FBXW7: variants seen among roughly 807,000 people sequenced by gnomAD.
The protein encoded by FBXW7 is F-box and WD repeat domain containing 7, also known as F-box/WD repeat-containing protein 7.
In FBXW7, 11 loss-of-function variants were observed where a neutral mutation model predicts 86.3. That is an observed-to-expected ratio of 0.13 (90% confidence interval 0.08 to 0.21). FBXW7 has a LOEUF of 0.21. Among genes scored for constraint, FBXW7 ranks in the 10% least tolerant of loss-of-function variants. The probability of loss-of-function intolerance (pLI) is 1.00; values close to 1 mark genes in which losing one functional copy is unlikely to be tolerated. For synonymous variants in FBXW7, 313 were observed against 297.9 expected (o/e 1.05, Z -0.52); for missense variants, 488 against 847.4 (o/e 0.58, Z 5.27).
intron 2 of FBXW7, 84 bp downstream of exon 2, chr4:152,534,857 G>A (rs1750358772): frequency 6.6e-6 from 1 of 152,240 alleles, no homozygotes; most frequent in Non-Finnish European, 1.5e-5. Context: ...CAACACTACT[G>A]GAGAACATCA....
intron 7 of FBXW7, among the ~76,000 whole-genome samples, chr4:152,333,364 T>C (rs1338131357): frequency 1.3e-5 from 2 of 152,150 alleles, no homozygotes; most frequent in Non-Finnish European, 1.5e-5. Flanking sequence ...AAGAGTTGTA[T>C]ATTTGAGCTA....
At chr4:152,380,709 G>A (rs1054978022) in intron 4 of FBXW7, among the ~76,000 whole-genome samples, 1 of 151,884 alleles carries the variant, frequency 6.6e-6, no homozygotes, top group Non-Finnish European at 1.5e-5. Context: ...GTAACATAAT[G>A]AGGCAATCTC....
chr4:152,349,252 G>A (rs1731567521), intron 5 of FBXW7, among the ~76,000 whole-genome samples: 2 of 151,370 alleles, frequency 1.3e-5, no homozygotes, highest in South Asian at 4.1e-4. Flanking sequence ...GGTTTCTACT[G>A]TTAACTTTCA....
At position 152,377,406 on chromosome 4, in the gene FBXW7, A is replaced by C. The variant is rs1489918032; in HGVS notation, c.502-27282T>G. ...CTCTTTTAAAATGATAGAAATCATC[A>C]ATACCATTATTATACATTTAGAAGA... On this transcript the variant is annotated intron_variant, in intron 4 of 13. Transcript: ENST00000281708. Among the ~76,000 whole-genome samples, 3 of 152,160 alleles carry C rather than the reference A, an allele frequency of 2.0e-5. No homozygotes were observed. The East Asian group carries it at 5.8e-4, about 29-fold the overall frequency.
At chr4:152,377,754 C>CAAA (rs546746093) in intron 4 of FBXW7, among the ~76,000 whole-genome samples, 1 of 68,578 alleles carries the variant, frequency 1.5e-5, no homozygotes, top group Non-Finnish European at 3.0e-5. Context: ...GAGTCTGTCT[C>CAAA]AAAAAAAAAA....
At chr4:152,457,158 C>T (rs1742486231) in intron 2 of FBXW7, among the ~76,000 whole-genome samples, 1 of 152,146 alleles carries the variant, frequency 6.6e-6, no homozygotes. Flanking sequence ...ATTCTACCTA[C>T]ATAACATTCA....
At chr4:152,428,920 G>A (rs190002792) in intron 2 of FBXW7, among the ~76,000 whole-genome samples, 8 of 152,106 alleles carry the variant, frequency 5.3e-5, no homozygotes, top group African/African-American at 1.9e-4. Context: ...CACTTTGGCC[G>A]GGCTCATGCC....
At chr4:152,466,576 A>G (rs1306725354) in intron 2 of FBXW7, among the ~76,000 whole-genome samples, 1 of 151,880 alleles carries the variant, frequency 6.6e-6, no homozygotes, top group East Asian at 1.9e-4. Context: ...AAAATTAAAG[A>G]CATTTACTTA....
chr4:152,389,276 C>A (rs1735796227), intron 4 of FBXW7, among the ~76,000 whole-genome samples: 1 of 152,040 alleles, frequency 6.6e-6, no homozygotes, highest in Non-Finnish European at 1.5e-5. Flanking sequence ...AGCAATCCCA[C>A]TACTGGGCAT....
At chr4:152,426,991 G>A (rs571926593) in intron 2 of FBXW7, among the ~76,000 whole-genome samples, 42 of 152,312 alleles carry the variant, frequency 2.8e-4, no homozygotes, top group Non-Finnish European at 5.9e-4. Context: ...TTAATAGATG[G>A]ACAATTTCAC....
At chr4:152,343,515 A>G (rs1436211818) in intron 6 of FBXW7, among the ~76,000 whole-genome samples, 1 of 152,204 alleles carries the variant, frequency 6.6e-6, no homozygotes, top group Non-Finnish European at 1.5e-5. Flanking sequence ...GAATGGTTAT[A>G]TATTAATGAA....
At chr4:152,444,638 T>C (rs932403353) in intron 2 of FBXW7, among the ~76,000 whole-genome samples, 2 of 152,192 alleles carry the variant, frequency 1.3e-5, no homozygotes, top group African/African-American at 2.4e-5. Context: ...CTGCAAGGCA[T>C]AGAAACAAGG....
chr4:152,516,735 A>T (rs868585155), intron 2 of FBXW7, among the ~76,000 whole-genome samples: 9 of 152,328 alleles, frequency 5.9e-5, no homozygotes, highest in Middle Eastern at 3.4e-3. Flanking sequence ...TTAATTTTTA[A>T]TTTTTTAAAG....
chr4:152,445,938 A>AAAAAC (rs1741349306), intron 2 of FBXW7, among the ~76,000 whole-genome samples: 1 of 135,902 alleles, frequency 7.4e-6, no homozygotes, highest in Non-Finnish European at 1.6e-5. Context: ...AAAAAAAAAA[A>AAAAAC]AAAACCAAAG....
chr4:152,440,918 T>G (rs1740834139), intron 2 of FBXW7, among the ~76,000 whole-genome samples: 1 of 151,998 alleles, frequency 6.6e-6, no homozygotes, highest in South Asian at 2.1e-4. Context: ...CTTTCTTCAT[T>G]GCTTAAGTTT....
At chr4:152,362,792 A>G (rs1246970586) in intron 4 of FBXW7, among the ~76,000 whole-genome samples, 1 of 145,212 alleles carries the variant, frequency 6.9e-6, no homozygotes, top group Admixed American at 7.3e-5. Flanking sequence ...GCACCACTGT[A>G]CTGCAGCCTG....
chr4:152,407,098 T>A (rs1040716166), intron 4 of FBXW7, among the ~76,000 whole-genome samples: 1 of 152,160 alleles, frequency 6.6e-6, no homozygotes, highest in East Asian at 1.9e-4. Context: ...GATAAAGTAA[T>A]AGGTTCACTG....
At chr4:152,519,728 G>A (rs1294595821) in intron 2 of FBXW7, among the ~76,000 whole-genome samples, 1 of 152,162 alleles carries the variant, frequency 6.6e-6, no homozygotes, top group Admixed American at 6.6e-5. Flanking sequence ...CTGTTAATCT[G>A]CCTTCCAATA....
At chr4:152,534,765 G>A (rs957524756) in intron 2 of FBXW7, among the ~76,000 whole-genome samples, 176 bp downstream of exon 2, 1 of 152,146 alleles carries the variant, frequency 6.6e-6, no homozygotes, top group African/African-American at 2.4e-5. Context: ...CGTACAAAGA[G>A]CTAAAAAGTT....
Sources: allele counts gnomAD v4.1 joint callset (sites outside exome capture counted in the v4.1 genomes callset), GRCh38; gene constraint gnomAD v4.1.1; transcripts MANE v1.5; gene names NCBI Gene and HGNC (gene_info 2026-07-23, HGNC 2026-07-21).